The following FAM184B variants were observed in gnomAD, a reference collection of about 807,000 sequenced individuals.
The protein encoded by FAM184B is family with sequence similarity 184 member B.
In FAM184B, 111 loss-of-function variants were observed where a neutral mutation model predicts 135.9. The ratio of observed to expected loss-of-function variants is 0.82; its 90% CI spans 0.70 to 0.96. The LOEUF is 0.96. FAM184B is among the 40% of genes least tolerant of loss of function. The pLI is 0.00. For synonymous variants in FAM184B, 552 were observed against 524.8 expected (o/e 1.05, Z -0.71); for missense variants, 1,375 against 1,323.9 (o/e 1.04, Z -0.60).
chr4:17,704,688 A>T lies in FAM184B; in HGVS notation c.1377+312T>A, dbSNP rs146530512. On this transcript the variant is annotated intron_variant, in intron 5 of 17. Coordinates refer to ENST00000265018, the MANE Select transcript of FAM184B (RefSeq NM_015688.2). ...ATTTCTCTGTGTGTTTTTGCAGAGT[A>T]AGTAGAGTTGAATTTCCCTAAGTTC... 1.5e-3 allele frequency among the ~76,000 whole-genome samples: 223 copies of T among 152,296 alleles called. 2 individuals carry two copies. Among genetic ancestry groups the T allele is most frequent in the African/African-American group, 5.2e-3 (217 of 41,564 alleles).
rs368509726 is a variant in FAM184B at position 17,637,323 on chromosome 4, G to C, written c.2667-678C>G. On this transcript the variant is annotated intron_variant, in intron 14 of 17. Transcript: ENST00000265018. ...ATTACAGGCGTGGGCCACCGCGCCC[G>C]GCCCCCACTGCTTTTTCAGCGTGAA... 1.6e-4 allele frequency among the ~76,000 whole-genome samples: 24 copies of C among 152,300 alleles called. No homozygotes were observed. In the East Asian group the frequency reaches 4.3e-3, roughly 27 times the overall value.
chr4:17,664,235 C>A (rs574636734), intron 8 of FAM184B, among the ~76,000 whole-genome samples: 1 of 152,236 alleles, frequency 6.6e-6, no homozygotes. Flanking sequence ...TCCTTATACC[C>A]CCTAATTAAA....
chr4:17,766,992 C>T lies in FAM184B; in HGVS notation c.141+14167G>A, dbSNP rs549047723. On this transcript the variant is annotated intron_variant, in intron 1 of 17. Coordinates refer to ENST00000265018, the MANE Select transcript of FAM184B (RefSeq NM_015688.2). ...AGGCCCAGCGAGAATTCCAGCGCAG[C>T]GCCAGCGGGCCAGCACTGCTGGGGG... Among the ~76,000 whole-genome samples, 1,200 of 152,302 alleles carry T rather than the reference C, an allele frequency of 7.9e-3. 19 individuals are homozygous for T. Among genetic ancestry groups the T allele is most frequent in the African/African-American group, 0.027 (1,142 of 41,580 alleles).
Position 17,631,565 on chromosome 4 carries a change from T to C in FAM184B, c.*967A>G, listed in dbSNP as rs1307601402. 6.6e-6 allele frequency: 1 copy of C among 152,252 alleles called. No homozygotes were observed. Among genetic ancestry groups the C allele is most frequent in the Non-Finnish European group, 1.5e-5 (1 of 68,050 alleles). The allele number at this position is 152,252 out of a possible 1,614,324, so 9.4% of individuals were successfully genotyped here. ...ACTGAGACCTATAACTGGGCTAGGA[T>C]TGGTTATTTACAGAAAAACCTTGTG... On this transcript the variant is annotated 3_prime_UTR_variant, in exon 18 of 18. Transcript: ENST00000265018.
intron 1 of FAM184B, among the ~76,000 whole-genome samples, chr4:17,720,176 T>C (rs1488507872): frequency 6.6e-6 from 1 of 152,204 alleles, no homozygotes; most frequent in Non-Finnish European, 1.5e-5. Flanking sequence ...CAAATTTATA[T>C]GACCAGGCTG....
At chr4:17,640,473 G>C (rs911825429) in intron 13 of FAM184B, among the ~76,000 whole-genome samples, 4 of 123,782 alleles carry the variant, frequency 3.2e-5, no homozygotes, top group African/African-American at 1.1e-4. Flanking sequence ...AAAAGAGCAA[G>C]ACTGTCTCAA....
At chr4:17,755,355 T>G (rs1375838136) in intron 1 of FAM184B, among the ~76,000 whole-genome samples, 1 of 152,028 alleles carries the variant, frequency 6.6e-6, no homozygotes, top group Non-Finnish European at 1.5e-5. Flanking sequence ...AAAACCACAG[T>G]GAGACACCAT....
chr4:17,697,853 A>T (rs1451226745), intron 5 of FAM184B, among the ~76,000 whole-genome samples: 1 of 152,164 alleles, frequency 6.6e-6, no homozygotes, highest in Non-Finnish European at 1.5e-5. Context: ...AATGAACCTA[A>T]TGTGAAAAAA....
intron 10 of FAM184B, among the ~76,000 whole-genome samples, chr4:17,656,799 C>T (rs753333246): frequency 6.6e-6 from 1 of 152,144 alleles, no homozygotes; most frequent in Admixed American, 6.5e-5. Context: ...AATAAGCAGC[C>T]TCCTAGTCCT....
intron 1 of FAM184B, among the ~76,000 whole-genome samples, chr4:17,775,191 T>C (rs1718902084): frequency 6.6e-6 from 1 of 151,866 alleles, no homozygotes; most frequent in East Asian, 1.9e-4. Context: ...TAATTTAATT[T>C]AATTTTATTT....
At position 17,629,579 on chromosome 4, in the gene FAM184B, C is replaced by CAT. The variant is rs746750277; in HGVS notation, c.*2951_*2952dup. On this transcript the variant is annotated 3_prime_UTR_variant, in exon 18 of 18. Coordinates refer to ENST00000265018, the MANE Select transcript of FAM184B (RefSeq NM_015688.2). ...ATTCCTTTCAGTTTTGCTGCAGGAA[C>CAT]ATATTAACTCTTCCACCCCTGTCAT... The CAT allele has an allele frequency of 5.3e-5, 8 of 152,166 alleles. No homozygotes were observed. Among genetic ancestry groups the CAT allele is most frequent in the Non-Finnish European group, 1.2e-4 (8 of 68,038 alleles). 9.4% of individuals were successfully genotyped at this position (152,166 alleles called of 1,614,324 possible). A position where few individuals can be genotyped will look rare whatever the true frequency, so the allele number is the denominator to read the frequency against.
intron 11 of FAM184B, among the ~76,000 whole-genome samples, chr4:17,652,047 CAAT>C (rs992946113): frequency 6.6e-6 from 1 of 151,384 alleles, no homozygotes; most frequent in African/African-American, 2.4e-5. Flanking sequence ...GGGTTACATG[CAAT>C]AATAATGATG....
rs115258649 is a variant in FAM184B, at chr4:17,743,718, C to T, written c.142-34074G>A. Among the ~76,000 whole-genome samples the T allele has an allele frequency of 8.6e-3, 1,315 of 152,284 alleles. 19 individuals carry two copies. Among genetic ancestry groups the T allele is most frequent in the African/African-American group, 0.03 (1,247 of 41,562 alleles). On this transcript the variant is annotated intron_variant, in intron 1 of 17. Transcript: ENST00000265018. Reference sequence around the variant, plus strand: ...GAAGAACAGCAGTTTCTAGAGTCTGCGTAGGGCAGTAGAAGAGGACTATTT... The same window carrying T: ...GAAGAACAGCAGTTTCTAGAGTCTGTGTAGGGCAGTAGAAGAGGACTATTT...
At chr4:17,661,368 T>C (rs1056209083) in intron 8 of FAM184B, among the ~76,000 whole-genome samples, 5 of 152,012 alleles carry the variant, frequency 3.3e-5, no homozygotes, top group African/African-American at 1.2e-4. Context: ...CTGGCCAACA[T>C]GGTGAAACCC....
At chr4:17,760,480 A>AC in intron 1 of FAM184B, among the ~76,000 whole-genome samples, 1 of 151,556 alleles carries the variant, frequency 6.6e-6, no homozygotes, top group East Asian at 2.0e-4. Flanking sequence ...AAAAAAAAAA[A>AC]AACAAAAACA....
At chr4:17,656,398 CTTTCTTT>C (rs138158609) in intron 10 of FAM184B, among the ~76,000 whole-genome samples, 3,588 of 152,108 alleles carry the variant, frequency 0.024, 128 homozygotes, top group African/African-American at 0.081. Flanking sequence ...TTCCTTTCTT[CTTTCTTT>C]TTTTGCTTTG....
chr4:17,644,370 C>T (rs1205345919), intron 12 of FAM184B, among the ~76,000 whole-genome samples: 3 of 152,178 alleles, frequency 2.0e-5, no homozygotes, highest in Non-Finnish European at 2.9e-5. Context: ...AGCAGCACAT[C>T]AAAAAGCTTA....
At chr4:17,777,175 T>C (rs1359340381) in intron 1 of FAM184B, among the ~76,000 whole-genome samples, 2 of 151,998 alleles carry the variant, frequency 1.3e-5, no homozygotes, top group Admixed American at 6.6e-5. Flanking sequence ...AAATAAGTAA[T>C]AAAAAGGAAC....
intron 10 of FAM184B, 34 bp downstream of exon 10, chr4:17,658,316 C>T (rs1476711219): frequency 6.5e-6 from 10 of 1,545,712 alleles, no homozygotes; most frequent in Middle Eastern, 1.7e-4. Context: ...AGCAGGTGCC[C>T]GGCACAGAGT....
Sources: gnomAD v4.1 joint callset for allele counts (sites outside exome capture counted in the v4.1 genomes callset) on GRCh38, gnomAD v4.1.1 for gene constraint, MANE v1.5 for transcripts, NCBI Gene and HGNC (gene_info 2026-07-23, HGNC 2026-07-21) for gene names.